Variants in SIDT1 observed in about 807,000 individuals in gnomAD.
SIDT1 encodes SID1 transmembrane family member 1.
A neutral mutation model predicts 107.5 loss-of-function variants in SIDT1; 101 were observed. That is an observed-to-expected ratio of 0.94 (90% CI 0.80 to 1.11). The LOEUF (loss-of-function observed/expected upper bound fraction) is 1.11, where lower values mean the gene tolerates loss of function less well. Among genes scored for constraint, SIDT1 ranks in the 50% least tolerant of loss-of-function variants. SIDT1 has a pLI of 0.00. For synonymous variants in SIDT1, 395 were observed against 398.2 expected (o/e 0.99, Z 0.10); for missense variants, 1,076 against 1,058.2 (o/e 1.02, Z -0.23).
At chr3:113,577,206 A>G (rs111842765) in intron 4 of SIDT1, among the ~76,000 whole-genome samples, 2,124 of 152,284 alleles carry the variant, frequency 0.014, 58 homozygotes, top group African/African-American at 0.049. Flanking sequence ...TCAGGTGTTC[A>G]TTGGTTCAAT....
At position 113,623,698 on chromosome 3, in the gene SIDT1, C is replaced by G; in HGVS notation, c.2272C>G (p.Leu758Val). 6.2e-7 allele frequency: 1 copy of G among 1,614,066 alleles called. No homozygotes were observed. Residue 758 changes from leucine to valine, a missense_variant, in exon 23 of 25, where the codon CTA (leucine) becomes GTA (valine). Leu to Val is a conservative substitution (Grantham distance 32, BLOSUM62 1). Coordinates refer to ENST00000264852, the MANE Select transcript of SIDT1 (RefSeq NM_017699.3). The part of the protein sequence containing the change: ...VATAVMWAAA[L>V]YFFFQNLSSW... ...CACCGCTGTGATGTGGGCTGCCGCC[C>G]TATATTTTTTCTTCCAGAATCTCAG... is the stretch of plus-strand genomic sequence containing the variant.
At chr3:113,609,035 G>A (rs1196956073) in intron 17 of SIDT1, among the ~76,000 whole-genome samples, 1 of 147,158 alleles carries the variant, frequency 6.8e-6, no homozygotes, top group African/African-American at 2.5e-5. Context: ...CATCTCAGTA[G>A]CTTATACAGT....
chr3:113,604,245 T>A (rs1334920422), intron 13 of SIDT1, among the ~76,000 whole-genome samples: 1 of 152,108 alleles, frequency 6.6e-6, no homozygotes, highest in Non-Finnish European at 1.5e-5. Flanking sequence ...TTGCAAGAAA[T>A]CTTCTCTCCC....
intron 1 of SIDT1, among the ~76,000 whole-genome samples, chr3:113,557,549 A>C (rs1170792347): frequency 6.6e-6 from 1 of 152,174 alleles, no homozygotes; most frequent in Non-Finnish European, 1.5e-5. Context: ...ATGTAACAAC[A>C]GAGGCAGAGA....
intron 1 of SIDT1, among the ~76,000 whole-genome samples, chr3:113,560,841 C>T (rs1389750350): frequency 6.6e-6 from 1 of 152,046 alleles, no homozygotes; most frequent in Non-Finnish European, 1.5e-5. Flanking sequence ...AATTTTGAAC[C>T]TTTCCCTACT....
intron 1 of SIDT1, among the ~76,000 whole-genome samples, chr3:113,538,877 G>T (rs1447206624): frequency 1.3e-5 from 2 of 152,070 alleles, no homozygotes; most frequent in Non-Finnish European, 2.9e-5. Flanking sequence ...CGTCAAAGGT[G>T]GTATGGTATA....
At chr3:113,621,617 A>G (rs554550885) in intron 21 of SIDT1, among the ~76,000 whole-genome samples, 1 of 152,356 alleles carries the variant, frequency 6.6e-6, no homozygotes, top group Admixed American at 6.5e-5. Context: ...TAGCTAAATG[A>G]AGAGAGACGT....
At position 113,562,174 on chromosome 3, in the gene SIDT1, G is replaced by C. The variant is rs143713583; in HGVS notation, c.223-4246G>C. Among the ~76,000 whole-genome samples the C allele has an allele frequency of 4.0e-3, 610 of 152,142 alleles. 4 individuals are homozygous for C. The highest frequency in any genetic ancestry group is 0.014 in the African/African-American group (575 of 41,498). ...ATGAGATGCAACTTTACACCCACTA[G>C]GATGGCTATATTCAAAAAAAAAAGA... On this transcript the variant is annotated intron_variant, in intron 1 of 24. Coordinates refer to ENST00000264852, the MANE Select transcript of SIDT1 (RefSeq NM_017699.3).
chr3:113,580,796 C>A (rs1288896278), intron 5 of SIDT1, 87 bp downstream of exon 5: 1 of 852,780 alleles, frequency 1.2e-6, no homozygotes, highest in Non-Finnish European at 2.0e-6. Flanking sequence ...AGCATGCCAT[C>A]CTCTTACTGT....
At chr3:113,561,870 G>T (rs1941459523) in intron 1 of SIDT1, among the ~76,000 whole-genome samples, 1 of 152,166 alleles carries the variant, frequency 6.6e-6, no homozygotes, top group Non-Finnish European at 1.5e-5. Flanking sequence ...TACTTAAGAA[G>T]GGAGGAGGAG....
chr3:113,610,446 G>A (rs1945652352), intron 17 of SIDT1, among the ~76,000 whole-genome samples: 1 of 152,186 alleles, frequency 6.6e-6, no homozygotes, highest in Non-Finnish European at 1.5e-5. Context: ...GTAAAATGGA[G>A]GCATTGCATT....
chr3:113,625,154 G>T (rs1946762113), intron 23 of SIDT1, among the ~76,000 whole-genome samples: 1 of 151,394 alleles, frequency 6.6e-6, no homozygotes, highest in Non-Finnish European at 1.5e-5. Flanking sequence ...GGGGGGGCGG[G>T]GGGACGGGGT....
intron 1 of SIDT1, among the ~76,000 whole-genome samples, chr3:113,562,975 C>T (rs1453911844): frequency 6.6e-6 from 1 of 152,190 alleles, no homozygotes. Flanking sequence ...AGAGGCCACA[C>T]AGCACACCCG....
chr3:113,544,334 G>A (rs891985189), intron 1 of SIDT1, among the ~76,000 whole-genome samples: 4 of 152,070 alleles, frequency 2.6e-5, no homozygotes, highest in African/African-American at 7.3e-5. Context: ...GGGACTACAG[G>A]CGCACACAAC....
chr3:113,584,207 T>C (rs1332091969), intron 7 of SIDT1, among the ~76,000 whole-genome samples: 1 of 152,222 alleles, frequency 6.6e-6, no homozygotes, highest in Non-Finnish European at 1.5e-5. Context: ...TCTCCTAGTG[T>C]GTTCTTTAAC....
chr3:113,615,556 C>CT (rs939118550), intron 19 of SIDT1, among the ~76,000 whole-genome samples: 1 of 152,228 alleles, frequency 6.6e-6, no homozygotes, highest in Admixed American at 6.5e-5. Flanking sequence ...CCCATCTTAA[C>CT]TTACCTTCAC....
chr3:113,551,682 T>C (rs1940251740), intron 1 of SIDT1, among the ~76,000 whole-genome samples: 2 of 152,186 alleles, frequency 1.3e-5, no homozygotes, highest in African/African-American at 4.8e-5. Flanking sequence ...CATCTGTTTG[T>C]CTGTGTACCA....
At chr3:113,540,299 G>A (rs1419334408) in intron 1 of SIDT1, among the ~76,000 whole-genome samples, 2 of 152,100 alleles carry the variant, frequency 1.3e-5, no homozygotes, top group Admixed American at 6.5e-5. Context: ...CCTCTCATTA[G>A]GTCCCCACCT....
intron 1 of SIDT1, among the ~76,000 whole-genome samples, chr3:113,542,908 G>GAC (rs1939090392): frequency 1.1e-5 from 1 of 87,528 alleles, no homozygotes; most frequent in Admixed American, 9.4e-5. Flanking sequence ...TTGGTTGTGT[G>GAC]TGTGTGTGTG....
Sources: gnomAD v4.1 joint callset for allele counts (sites outside exome capture counted in the v4.1 genomes callset) on GRCh38, gnomAD v4.1.1 for gene constraint, MANE v1.5 for transcripts, NCBI Gene and HGNC (gene_info 2026-07-23, HGNC 2026-07-21) for gene names.